The following PHEX variants were observed in gnomAD, a reference collection of about 807,000 sequenced individuals.
PHEX encodes phosphate-regulating neutral endopeptidase PHEX.
In PHEX, 16 loss-of-function variants were observed where a neutral mutation model predicts 68.0. The observed-to-expected ratio is 0.24, with a 90% CI of 0.16 to 0.36. The LOEUF is 0.36. Ranked by LOEUF, PHEX falls within the 10% of genes least tolerant of loss-of-function variation. The pLI is 1.00. For synonymous variants in PHEX, 208 were observed against 205.1 expected (o/e 1.01, Z -0.12); for missense variants, 480 against 575.5 (o/e 0.83, Z 1.70).
chrX:22,133,477 G>A (rs1932099779), intron 11 of PHEX, 46 bp from the exon 12 acceptor site: 3 of 1,052,877 alleles, frequency 2.8e-6, no homozygotes, highest in South Asian at 3.7e-5. Flanking sequence ...AACCTCGACT[G>A]AAGCTTCTTG....
intron 18 of PHEX, 49 bp from the exon 19 acceptor site, chrX:22,226,394 C>A: frequency 1.1e-6 from 1 of 892,211 alleles, no homozygotes; most frequent in Non-Finnish European, 1.6e-6. Context: ...TGATAGTTGA[C>A]CGTGAAACAC....
intron 21 of PHEX, among the ~76,000 whole-genome samples, chrX:22,247,034 A>G (rs906685248): frequency 2.7e-5 from 3 of 111,742 alleles, no homozygotes; most frequent in Non-Finnish European, 5.6e-5. Context: ...GGCAGCTACA[A>G]TCAAAGTGCT....
intron 3 of PHEX, among the ~76,000 whole-genome samples, chrX:22,074,233 C>T (rs1929043185): frequency 9.1e-6 from 1 of 110,038 alleles, no homozygotes; most frequent in African/African-American, 3.3e-5. Flanking sequence ...ATGCTGTCAA[C>T]TGATTGCCAC....
At chrX:22,244,232 A>G (rs1372920505) in intron 20 of PHEX, among the ~76,000 whole-genome samples, 1 of 110,924 alleles carries the variant, frequency 9.0e-6, no homozygotes, top group Non-Finnish European at 1.9e-5. Context: ...GAGTTGAACA[A>G]TGAGAACACA....
chrX:22,061,464 G>A (rs1364173722), intron 3 of PHEX, among the ~76,000 whole-genome samples: 1 of 111,616 alleles, frequency 9.0e-6, no homozygotes, highest in African/African-American at 3.3e-5. Flanking sequence ...CTAATGGGGA[G>A]ATAATTCATT....
chrX:22,243,838 C>T lies in PHEX; in HGVS notation c.2071-1495C>T, dbSNP rs180760250. 3.4e-3 allele frequency among the ~76,000 whole-genome samples: 376 copies of T among 111,827 alleles called. 3 individuals are homozygous for T. Among genetic ancestry groups the T allele is most frequent in the African/African-American group, 0.011 (335 of 30,806 alleles). On this transcript the variant is annotated intron_variant, in intron 20 of 21. Transcript: ENST00000379374. ...AACGCTTTTACATTGTTGGTGGGAGCGTAAACTAGTTCAACCATTGTGGAA... is the reference window on the plus strand; with the variant it reads ...AACGCTTTTACATTGTTGGTGGGAGTGTAAACTAGTTCAACCATTGTGGAA...
At chrX:22,061,625 C>T (rs764155445) in intron 3 of PHEX, among the ~76,000 whole-genome samples, 5 of 111,156 alleles carry the variant, frequency 4.5e-5, no homozygotes, top group Non-Finnish European at 9.4e-5. Flanking sequence ...GCTCCCAACA[C>T]GGAAGATGTA....
intron 7 of PHEX, among the ~76,000 whole-genome samples, chrX:22,096,566 G>A (rs1328123953): frequency 8.9e-6 from 1 of 111,968 alleles, no homozygotes; most frequent in Non-Finnish European, 1.9e-5. Flanking sequence ...TAGAGGTGAA[G>A]GGATGGTCTG....
chrX:22,055,609 T>C (rs1209136512), intron 3 of PHEX, among the ~76,000 whole-genome samples: 2 of 111,221 alleles, frequency 1.8e-5, no homozygotes, highest in East Asian at 5.7e-4. Context: ...TCACCCAGGC[T>C]AGAGTGCACT....
intron 20 of PHEX, among the ~76,000 whole-genome samples, chrX:22,233,253 A>G (rs182011048): frequency 4.4e-4 from 49 of 110,480 alleles, no homozygotes; most frequent in Non-Finnish European, 8.5e-4. Flanking sequence ...TTTTTCCTCC[A>G]TTTCAACCTT....
chrX:22,120,711 C>G (rs142253521), intron 11 of PHEX, among the ~76,000 whole-genome samples: 2 of 111,342 alleles, frequency 1.8e-5, no homozygotes, highest in African/African-American at 6.5e-5. Context: ...CTCAATTTCT[C>G]GTATTTTGTA....
At chrX:22,226,314 T>C (rs1051927726) in intron 18 of PHEX, 129 bp from the exon 19 acceptor site, 15 of 511,528 alleles carry the variant, frequency 2.9e-5, no homozygotes, top group Middle Eastern at 5.2e-4. Flanking sequence ...CTACCTCTGA[T>C]TTATTGAATG....
intron 3 of PHEX, among the ~76,000 whole-genome samples, chrX:22,056,591 A>G (rs1602258894): frequency 9.1e-6 from 1 of 109,657 alleles, no homozygotes; most frequent in South Asian, 3.9e-4. Context: ...ACCTGAGGTC[A>G]GGAGCTCAAG....
intron 2 of PHEX, among the ~76,000 whole-genome samples, chrX:22,039,177 C>T (rs1488597556): frequency 8.9e-6 from 1 of 112,022 alleles, no homozygotes; most frequent in Non-Finnish European, 1.9e-5. Context: ...CCTTGTTGGC[C>T]ACACTGATCT....
At chrX:22,040,517 A>T (rs773058876) in intron 2 of PHEX, among the ~76,000 whole-genome samples, 23 of 111,588 alleles carry the variant, frequency 2.1e-4, no homozygotes, top group South Asian at 7.6e-4. Context: ...AGAGAAAATT[A>T]AAAAAAAGAT....
intron 9 of PHEX, among the ~76,000 whole-genome samples, chrX:22,107,076 C>G (rs916386227): frequency 1.8e-5 from 2 of 111,908 alleles, no homozygotes; most frequent in African/African-American, 6.5e-5. Flanking sequence ...AATATGTGAT[C>G]GTGAGTTTAC....
At chrX:22,048,843 A>G (rs1927676296) in intron 3 of PHEX, among the ~76,000 whole-genome samples, 1 of 111,973 alleles carries the variant, frequency 8.9e-6, no homozygotes, top group Admixed American at 9.5e-5. Context: ...AAAAAGAGCA[A>G]AAATTAGAAG....
chrX:22,132,111 T>A (rs779727205), intron 11 of PHEX, among the ~76,000 whole-genome samples: 1 of 110,988 alleles, frequency 9.0e-6, no homozygotes. Flanking sequence ...TTATTATTAT[T>A]TTTTTAGAGA....
At chrX:22,098,488 A>G (rs1930250247) in intron 8 of PHEX, among the ~76,000 whole-genome samples, 1 of 108,213 alleles carries the variant, frequency 9.2e-6, no homozygotes, top group Non-Finnish European at 1.9e-5. Flanking sequence ...TCCATTTGTG[A>G]TTAAGACAAT....
Sources: allele counts gnomAD v4.1 joint callset (sites outside exome capture counted in the v4.1 genomes callset), GRCh38; gene constraint gnomAD v4.1.1; transcripts MANE v1.5; gene names NCBI Gene and HGNC (gene_info 2026-07-23, HGNC 2026-07-21).